The following RGPD5 variants were observed in gnomAD, a reference collection of about 807,000 sequenced individuals.
The protein encoded by RGPD5 is RANBP2-like and GRIP domain-containing protein 5/6.
the RGPD5 span, among the ~76,000 whole-genome samples, chr2:109,761,917 A>G: frequency 1.3e-5 from 2 of 151,562 alleles, no homozygotes; most frequent in Non-Finnish European, 2.9e-5. Context: ...TGAATATGCA[A>G]TGTACAATTT....
the RGPD5 span, among the ~76,000 whole-genome samples, chr2:109,767,310 G>A: frequency 9.3e-5 from 14 of 149,986 alleles, no homozygotes; most frequent in African/African-American, 2.4e-4. Flanking sequence ...GAGTAGAGAG[G>A]TTGGTAGCTT....
chr2:109,778,521 A>T, the RGPD5 span, among the ~76,000 whole-genome samples: 1 of 150,058 alleles, frequency 6.7e-6, no homozygotes, highest in East Asian at 1.9e-4. Flanking sequence ...AGCTAGAAAC[A>T]TCTTTTTTCA....
At chr2:109,778,359 A>G in the RGPD5 span, among the ~76,000 whole-genome samples, 5 of 146,638 alleles carry the variant, frequency 3.4e-5, no homozygotes, top group African/African-American at 1.3e-4. Flanking sequence ...TAAATGGCAT[A>G]ACAGATAGAA....
chr2:109,778,433 C>A, the RGPD5 span, among the ~76,000 whole-genome samples: 1 of 149,752 alleles, frequency 6.7e-6, no homozygotes, highest in African/African-American at 2.5e-5. Context: ...TAAATCTTAG[C>A]TTTTCTATTA....
the RGPD5 span, among the ~76,000 whole-genome samples, chr2:109,764,659 G>C: frequency 1.4e-5 from 2 of 147,944 alleles, no homozygotes; most frequent in South Asian, 4.5e-4. Flanking sequence ...ATGGAAAGAG[G>C]AAAAATTGAA....
the RGPD5 span, among the ~76,000 whole-genome samples, chr2:109,764,407 A>G: frequency 4.1e-5 from 6 of 147,570 alleles, no homozygotes; most frequent in African/African-American, 1.2e-4. Context: ...AATAATGACC[A>G]TCCCTTTTAA....
chr2:109,766,892 G>T, the RGPD5 span, among the ~76,000 whole-genome samples: 9 of 149,100 alleles, frequency 6.0e-5, no homozygotes, highest in African/African-American at 1.5e-4. Flanking sequence ...TAATTTTTTT[G>T]TTGTTGTTTT....
At chr2:109,765,712 T>C in the RGPD5 span, among the ~76,000 whole-genome samples, 640 of 149,704 alleles carry the variant, frequency 4.3e-3, 21 homozygotes, top group Admixed American at 0.038. Context: ...TTGGTGAAGG[T>C]AGGCTAACAC....
At chr2:109,761,691 A>AT in the RGPD5 span, among the ~76,000 whole-genome samples, 32 of 146,972 alleles carry the variant, frequency 2.2e-4, 1 homozygote, top group East Asian at 8.6e-4. Context: ...AACCAGCACT[A>AT]TTCAGGTGGT....
chr2:109,771,361 C>T, the RGPD5 span, among the ~76,000 whole-genome samples: 17 of 82,472 alleles, frequency 2.1e-4, 3 homozygotes, highest in Admixed American at 2.3e-3. Flanking sequence ...GGATAAAGTC[C>T]GTTCTGCCTG....
chr2:109,767,253 T>C, the RGPD5 span, among the ~76,000 whole-genome samples: 1 of 148,594 alleles, frequency 6.7e-6, no homozygotes, highest in African/African-American at 2.5e-5. Context: ...CAGCAGTCCA[T>C]GCGGTGCAGC....
chr2:109,798,997 C>T (rs1164287919), intron 1 of RGPD5, among the ~76,000 whole-genome samples: 1 of 20,872 alleles, frequency 4.8e-5, no homozygotes, highest in African/African-American at 2.7e-4. Flanking sequence ...CTGGCGGGCT[C>T]GGTGGCTGAT....
chr2:109,761,662 C>G, the RGPD5 span, among the ~76,000 whole-genome samples: 2 of 148,658 alleles, frequency 1.3e-5, no homozygotes, highest in Non-Finnish European at 3.0e-5. Context: ...CAACCCGCCA[C>G]TATCTCTTAA....
chr2:109,761,874 C>A, the RGPD5 span, among the ~76,000 whole-genome samples: 5 of 151,330 alleles, frequency 3.3e-5, no homozygotes, highest in Admixed American at 6.6e-5. Context: ...GTAAAGAGTT[C>A]ACATGTGTCT....
At chr2:109,774,649 A>G in the RGPD5 span, among the ~76,000 whole-genome samples, 1 of 62,930 alleles carries the variant, frequency 1.6e-5, no homozygotes, top group Admixed American at 2.8e-4. Context: ...CAGAATGAAT[A>G]GTATATTGTG....
At chr2:109,767,273 C>T in the RGPD5 span, among the ~76,000 whole-genome samples, 2 of 149,230 alleles carry the variant, frequency 1.3e-5, 1 homozygote, top group Non-Finnish European at 3.0e-5. Flanking sequence ...CGTTCTGTCC[C>T]TGGCAACAGG....
the RGPD5 span, among the ~76,000 whole-genome samples, chr2:109,761,356 C>T: frequency 6.6e-6 from 1 of 151,170 alleles, no homozygotes; most frequent in East Asian, 2.0e-4. Flanking sequence ...AGGCCTTAGC[C>T]CAGGGAGACT....
At chr2:109,777,433 C>T in the RGPD5 span, among the ~76,000 whole-genome samples, 1 of 138,574 alleles carries the variant, frequency 7.2e-6, no homozygotes, top group Non-Finnish European at 1.6e-5. Flanking sequence ...GACTATGTCA[C>T]TTGGTTATGG....
At chr2:109,764,564 A>G in the RGPD5 span, among the ~76,000 whole-genome samples, 3 of 149,856 alleles carry the variant, frequency 2.0e-5, 1 homozygote, top group South Asian at 4.4e-4. Context: ...CAAATGAGGA[A>G]ATTAAGACAA....
Sources: allele counts gnomAD v4.1 joint callset (sites outside exome capture counted in the v4.1 genomes callset), GRCh38; gene constraint gnomAD v4.1.1; transcripts MANE v1.5; gene names NCBI Gene and HGNC (gene_info 2026-07-23, HGNC 2026-07-21).